Variants in AHNAK observed in about 807,000 individuals in gnomAD.
AHNAK encodes the protein AHNAK nucleoprotein, also known as neuroblast differentiation-associated protein AHNAK.
In AHNAK, 23 loss-of-function variants were observed where a neutral mutation model predicts 37.8. The observed-to-expected ratio is 0.61, with a 90% confidence interval of 0.44 to 0.86. The LOEUF is 0.86. Ranked by LOEUF, AHNAK falls within the 40% of genes least tolerant of loss-of-function variation. The pLI is 0.00. For missense variants in AHNAK, 7,411 were observed against 7,319.4 expected (o/e 1.01, Z -0.46); for synonymous variants, 2,481 against 2,636.3 (o/e 0.94, Z 1.80).
rs1444849337 is a variant in AHNAK, at chr11:62,523,211, G to T, written c.11206C>A (p.Pro3736Thr). Residue 3736 changes from proline (P) to threonine (T), a missense_variant, in exon 5 of 5, where the codon CCA becomes ACA. By Grantham distance (38) the Pro-to-Thr change is conservative. Coordinates refer to ENST00000378024, the MANE Select transcript of AHNAK (RefSeq NM_001620.3). The stretch of plus-strand genomic sequence containing the variant: ...TTGGGAGCCTTCAGGTGCATCTCTG[G>T]TATCTTAAATTTGGGTCCCTTGAAT... ...GKFKGPKFKI[P>T]EMHLKAPKIS... 5.6e-6 allele frequency: 9 copies of T among 1,613,686 alleles called. No homozygotes were observed. The highest frequency in any genetic ancestry group is 4.2e-6 in the Non-Finnish European group (5 of 1,179,862).
At chr11:62,441,327 C>T (rs1938301403) in intron 5 of AHNAK, among the ~76,000 whole-genome samples, 1 of 151,610 alleles carries the variant, frequency 6.6e-6, no homozygotes, top group South Asian at 2.1e-4. Context: ...TAAAATTAGC[C>T]TGGCATGGTA....
intron 5 of AHNAK, among the ~76,000 whole-genome samples, chr11:62,441,842 A>C (rs1938312224): frequency 6.6e-6 from 1 of 152,028 alleles, no homozygotes; most frequent in Admixed American, 6.6e-5. Flanking sequence ...ATCCTCCAGG[A>C]GCTCAGTTCA....
At chr11:62,474,938 C>T (rs17145917) in intron 5 of AHNAK, among the ~76,000 whole-genome samples, 1 of 152,040 alleles carries the variant, frequency 6.6e-6, no homozygotes, top group Admixed American at 6.6e-5. Context: ...GGAAGAGGGA[C>T]CCAGGAGAAG....
Position 62,520,402 on chromosome 11 carries a change from A to T in AHNAK, c.14015T>A (p.Val4672Glu). 6.8e-6 allele frequency: 11 copies of T among 1,613,192 alleles called. No homozygotes were observed. Among genetic ancestry groups the T allele is most frequent in the Non-Finnish European group, 9.3e-6 (11 of 1,179,852 alleles). ...MPGFKGEGPD[V>E]DVNLPKADID... ...GTCAGCCTTGGGCAGGTTCACATCC[A>T]CATCTGGGCCCTCTCCTTTGAAGCC... Residue 4672 changes from valine to glutamate, a missense_variant, in exon 5 of 5, where the codon GTG becomes GAG. By Grantham distance (121) the Val-to-Glu change is moderately radical. Transcript: ENST00000378024.
chr11:62,459,523 G>C (rs972580170), intron 5 of AHNAK, among the ~76,000 whole-genome samples: 16 of 152,164 alleles, frequency 1.1e-4, no homozygotes, highest in Admixed American at 9.2e-4. Flanking sequence ...GAAGGGCCCA[G>C]TGATGGAGAG....
intron 4 of AHNAK, among the ~76,000 whole-genome samples, chr11:62,505,169 C>A (rs1383115709): frequency 6.6e-6 from 1 of 152,136 alleles, no homozygotes; most frequent in Non-Finnish European, 1.5e-5. Context: ...TACCTGGTCT[C>A]AGCAGCTTCC....
In AHNAK at chr11:62,523,151, C is replaced by T; in HGVS notation, c.11266G>A (p.Gly3756Ser). 1 of 1,613,958 alleles carries T rather than the reference C, an allele frequency of 6.2e-7. No homozygotes were observed. The highest frequency in any genetic ancestry group is 1.1e-5 in the South Asian group (1 of 91,066). The part of the protein sequence containing the change: ...SMPDIDLNLK[G>S]PKVKGDVDVS... ...TCCACATCGCCCTTGACTTTGGGGC[C>T]CTTCAGGTTTAAATCAATGTCAGGC... is the stretch of plus-strand genomic sequence containing the variant. Residue 3756 changes from glycine to serine, a missense_variant, in exon 5 of 5, where the codon GGC (glycine) becomes AGC (serine). Transcript: ENST00000378024.
chr11:62,515,823 G>C (rs1477189305), downstream of AHNAK: 1 of 1,001,410 alleles, frequency 1.0e-6, no homozygotes, highest in South Asian at 3.1e-5. Flanking sequence ...AGATGGATCC[G>C]GTCTGAACAC....
At chr11:62,496,857 AAAGG>A (rs1939621125) in intron 4 of AHNAK, among the ~76,000 whole-genome samples, 1 of 148,990 alleles carries the variant, frequency 6.7e-6, no homozygotes, top group Non-Finnish European at 1.5e-5. Flanking sequence ...AAAGGAAGGA[AAAGG>A]AAGGAAGAAG....
intron 1 of AHNAK, 85 bp downstream of exon 1, chr11:62,546,575 G>C (rs1941318203): frequency 6.6e-6 from 1 of 152,278 alleles, no homozygotes; most frequent in Non-Finnish European, 1.5e-5. Context: ...AACGCGCCCT[G>C]CCGGAGCACC....
intron 5 of AHNAK, among the ~76,000 whole-genome samples, chr11:62,453,610 C>T (rs1321923918): frequency 6.6e-6 from 1 of 152,120 alleles, no homozygotes; most frequent in African/African-American, 2.4e-5. Context: ...TCTGTAAGAG[C>T]TGCAAGAGCA....
rs747878416 is a variant in AHNAK at position 62,530,380 on chromosome 11, G to C, written c.4037C>G (p.Pro1346Arg). 1.2e-6 allele frequency: 2 copies of C among 1,614,006 alleles called. No homozygotes were observed. The highest frequency in any genetic ancestry group is 4.5e-5 in the East Asian group (2 of 44,870). Residue 1346 changes from proline to arginine, a missense_variant, in exon 5 of 5, where the codon CCT becomes CGT. Transcript: ENST00000378024. ...KLKGDVDVSL[P>R]EVEGEMKVPD... is the part of the protein sequence containing the mutation. ...CACTTTCATTTCACCTTCTACCTCA[G>C]GCAAGGACACATCCACATCTCCCTT... is the stretch of plus-strand genomic sequence containing the variant.
chr11:62,478,291 C>T lies in AHNAK; in HGVS notation c.442+13441G>A, dbSNP rs562458254. 2.0e-5 allele frequency among the ~76,000 whole-genome samples: 3 copies of T among 152,244 alleles called. No homozygotes were observed. In the East Asian group the frequency reaches 5.8e-4, roughly 29 times the overall value. ...GCTGAGCCCCTGAGGTCTTTTCACACTAAGACTGGACCCTCCAGCCCCTGA... is the reference window on the plus strand; with the variant it reads ...GCTGAGCCCCTGAGGTCTTTTCACATTAAGACTGGACCCTCCAGCCCCTGA... On this transcript the variant is annotated intron_variant, in intron 5 of 5. Transcript: ENST00000257247.
rs1377904509 is a variant in AHNAK, at chr11:62,523,651, G to A, written c.10766C>T (p.Pro3589Leu). 3.7e-6 allele frequency: 6 copies of A among 1,614,012 alleles called. No individual in the cohort carries two copies. The highest frequency in any genetic ancestry group is 5.1e-6 in the Non-Finnish European group (6 of 1,180,008). The change falls in exon 5 of 5, where the codon CCA (proline) becomes CTA (leucine). Residue 3589 changes from proline to leucine, a missense_variant. Physicochemically the swap from Pro to Leu is moderately conservative, Grantham distance 98. Transcript: ENST00000378024. ...IKGPKVDINA[P>L]DVDVHGPDWH... ...GTCTGGACCATGAACATCCACATCT[G>A]GGGCATTGATGTCCACTTTAGGGCC...
rs780127153 is a variant in AHNAK at position 62,528,224 on chromosome 11, C to T, written c.6193G>A (p.Gly2065Ser). Reference sequence around the variant, plus strand: ...GGCAAGTTCACATCCACTTCTGGGCCCTCTGCTTTGAAGCCAGGCATGCTG... The same window carrying T: ...GGCAAGTTCACATCCACTTCTGGGCTCTCTGCTTTGAAGCCAGGCATGCTG... ...KFSMPGFKAEGPEVDVNLPKA... is the reference protein window; with the variant it reads ...KFSMPGFKAESPEVDVNLPKA... Residue 2065 changes from glycine to serine, a missense_variant, in exon 5 of 5, where the codon GGC becomes AGC. Gly to Ser is a moderately conservative substitution (Grantham distance 56). Coordinates refer to ENST00000378024, the MANE Select transcript of AHNAK (RefSeq NM_001620.3). The T allele has an allele frequency of 6.2e-7, 1 of 1,614,128 alleles. No individual in the cohort carries two copies. Among genetic ancestry groups the T allele is most frequent in the South Asian group, 1.1e-5 (1 of 91,086 alleles).
intron 4 of AHNAK, among the ~76,000 whole-genome samples, chr11:62,495,340 A>C (rs1482095601): frequency 6.6e-6 from 1 of 152,214 alleles, no homozygotes; most frequent in Non-Finnish European, 1.5e-5. Context: ...TATTCAAGAT[A>C]AGAAGTTATC....
chr11:62,435,017 A>G (rs1938129629), intron 5 of AHNAK, among the ~76,000 whole-genome samples: 1 of 151,148 alleles, frequency 6.6e-6, no homozygotes, highest in East Asian at 1.9e-4. Context: ...ATCTTCTACT[A>G]GTCCCTACAC....
chr11:62,544,241 C>A (rs1232098377), intron 1 of AHNAK, among the ~76,000 whole-genome samples: 1 of 152,188 alleles, frequency 6.6e-6, no homozygotes, highest in Non-Finnish European at 1.5e-5. Context: ...TGGGCTGACG[C>A]TGGACCTTCT....
In AHNAK at chr11:62,524,365, C is replaced by T. The variant is rs112103583; in HGVS notation, c.10052G>A (p.Arg3351His). 7.3e-5 allele frequency: 117 copies of T among 1,613,086 alleles called. No homozygotes were observed. The East Asian group carries it at 7.4e-4, about 10-fold the overall frequency. The change falls in exon 5 of 5, where the codon CGT (arginine) becomes CAT (histidine). Residue 3351 changes from arginine to histidine, a missense_variant. By Grantham distance (29) the Arg-to-His change is conservative. Coordinates refer to ENST00000378024, the MANE Select transcript of AHNAK (RefSeq NM_001620.3). ...LNIEGKSKKS[R>H]FKLPKFNFSG... ...AAAATTAAATTTGGGAAGCTTAAAA[C>T]GAGATTTCTTTGACTTGCCTTCGAT...
Sources: gnomAD v4.1 joint callset for allele counts (sites outside exome capture counted in the v4.1 genomes callset) on GRCh38, gnomAD v4.1.1 for gene constraint, MANE v1.5 for transcripts, NCBI Gene and HGNC (gene_info 2026-07-23, HGNC 2026-07-21) for gene names.